The following ICA1L variants were observed in gnomAD, a reference collection of about 807,000 sequenced individuals.
The protein encoded by ICA1L is islet cell autoantigen 1 like.
ICA1L carries 50 observed loss-of-function variants against 61.3 expected under a neutral mutation model. The observed-to-expected ratio is 0.82, with a 90% confidence interval of 0.65 to 1.03. The LOEUF (loss-of-function observed/expected upper bound fraction) is 1.03, where lower values mean the gene tolerates loss of function less well. ICA1L is among the 50% of genes least tolerant of loss of function. The probability of loss-of-function intolerance (pLI) is 0.00; values close to 1 mark genes in which losing one functional copy is unlikely to be tolerated. For missense variants in ICA1L, 508 were observed against 556.7 expected (o/e 0.91, Z 0.88); for synonymous variants, 161 against 191.3 (o/e 0.84, Z 1.31).
Position 202,773,786 on chromosome 2 carries a change from GGTAAT to G in ICA1L, c.*5742_*5746del, listed in dbSNP as rs1032120562. On this transcript the variant is annotated 3_prime_UTR_variant, in exon 13 of 13. Transcript: ENST00000358299. ...GGTGGAAGAATACATACACCGGTAT[GGTAAT>G]AGGCAAGAGCAGGCTGTAAAAGCAA... is the stretch of plus-strand genomic sequence containing the variant. 1.1e-5 allele frequency: 15 copies of G among 1,387,784 alleles called. No individual in the cohort carries two copies. In the Admixed American group the frequency reaches 2.5e-4, roughly 23 times the overall value. The allele number at this position is 1,387,784 out of a possible 1,614,324, so 86.0% of individuals were successfully genotyped here.
chr2:202,811,679 AG>A, intron 9 of ICA1L, 66 bp downstream of exon 9: 4 of 979,586 alleles, frequency 4.1e-6, no homozygotes, highest in South Asian at 1.5e-5. Flanking sequence ...AAAAAAAAAA[AG>A]GCTGTGATAA....
intron 1 of ICA1L, among the ~76,000 whole-genome samples, chr2:202,839,748 T>C (rs938248131): frequency 2.0e-5 from 3 of 152,104 alleles, no homozygotes; most frequent in Admixed American, 6.5e-5. Flanking sequence ...TTTCTGGTTG[T>C]TTTACAGCTC....
chr2:202,794,803 GA>G (rs1234502801), intron 10 of ICA1L, among the ~76,000 whole-genome samples: 3 of 150,776 alleles, frequency 2.0e-5, no homozygotes, highest in Non-Finnish European at 3.0e-5. Context: ...AAACCTGTAT[GA>G]AAAAAAAAGT....
At chr2:202,813,258 CAA>C (rs34755589) in intron 8 of ICA1L, among the ~76,000 whole-genome samples, 10 of 120,262 alleles carry the variant, frequency 8.3e-5, no homozygotes, top group Admixed American at 8.2e-5. Flanking sequence ...GAGACTCTGT[CAA>C]AAAAAAAAAA....
chr2:202,857,913 C>CA (rs1276039812), intron 1 of ICA1L, among the ~76,000 whole-genome samples: 2 of 152,156 alleles, frequency 1.3e-5, no homozygotes, highest in East Asian at 3.8e-4. Flanking sequence ...ATCAATACCA[C>CA]AGTGAGATAC....
rs773177627 is a variant in ICA1L, at chr2:202,819,722, C to T, written c.537G>A (p.Lys179=). ...ATACTTTTCTAAACTTTTCCATTTG[C>T]TTTAAGGTGTCTGGGTCCAGCTCTT... The part of the protein sequence containing the change: ...VSQELDPDTL[K]QMEKFRKVQM... The change falls in exon 5 of 13, where the codon AAG becomes AAA. Residue 179 remains lysine, a synonymous_variant. Transcript: ENST00000358299. The T allele has an allele frequency of 1.2e-6, 2 of 1,613,896 alleles. No homozygotes were observed. The highest frequency in any genetic ancestry group is 1.3e-5 in the African/African-American group (1 of 74,926).
chr2:202,844,670 C>T (rs1173961527), intron 1 of ICA1L: 1 of 152,182 alleles, frequency 6.6e-6, no homozygotes, highest in African/African-American at 2.4e-5. Context: ...CACTCCTCCT[C>T]TAGAAAGAAA....
intron 1 of ICA1L, among the ~76,000 whole-genome samples, chr2:202,850,820 C>G (rs1315261073): frequency 6.6e-6 from 1 of 151,944 alleles, no homozygotes; most frequent in Non-Finnish European, 1.5e-5. Flanking sequence ...AGAAGAGCAA[C>G]CCCAAGACAT....
intron 1 of ICA1L, among the ~76,000 whole-genome samples, chr2:202,850,409 G>A (rs1231083658): frequency 6.6e-6 from 1 of 152,170 alleles, no homozygotes; most frequent in African/African-American, 2.4e-5. Context: ...TACAGGAACT[G>A]CTAACTAGAA....
chr2:202,825,127 T>A (rs929383138), intron 3 of ICA1L, among the ~76,000 whole-genome samples: 1 of 152,056 alleles, frequency 6.6e-6, no homozygotes, highest in Non-Finnish European at 1.5e-5. Flanking sequence ...CAAGGGCAAG[T>A]GGGAGTCAAG....
chr2:202,803,643 G>A (rs1412037247), intron 9 of ICA1L, among the ~76,000 whole-genome samples: 4 of 151,820 alleles, frequency 2.6e-5, no homozygotes, highest in African/African-American at 4.8e-5. Context: ...TCAACTGATC[G>A]TTCCTCCTCA....
chr2:202,862,424 C>T (rs983727223), intron 1 of ICA1L, among the ~76,000 whole-genome samples: 1 of 151,824 alleles, frequency 6.6e-6, no homozygotes, highest in African/African-American at 2.4e-5. Flanking sequence ...TGCCACCGTG[C>T]TCCAGGCTGG....
chr2:202,785,849 T>C, intron 12 of ICA1L, 69 bp downstream of exon 12: 1 of 889,566 alleles, frequency 1.1e-6, no homozygotes, highest in Non-Finnish European at 1.8e-6. Flanking sequence ...AAGTGATCCT[T>C]TTCTAAATTT....
intron 1 of ICA1L, among the ~76,000 whole-genome samples, chr2:202,859,738 T>C (rs1285468673): frequency 6.6e-6 from 1 of 152,204 alleles, no homozygotes; most frequent in Non-Finnish European, 1.5e-5. Flanking sequence ...AAAAGGTACT[T>C]TTCTTAGAGT....
At chr2:202,869,152 G>T (rs1269919545) in intron 1 of ICA1L, among the ~76,000 whole-genome samples, 1 of 152,084 alleles carries the variant, frequency 6.6e-6, no homozygotes. Flanking sequence ...GAGGTCAGGA[G>T]ATCGAGACCA....
intron 1 of ICA1L, among the ~76,000 whole-genome samples, chr2:202,865,871 C>T (rs1687496883): frequency 6.6e-6 from 1 of 152,118 alleles, no homozygotes; most frequent in Admixed American, 6.6e-5. Flanking sequence ...AAGTGATTCC[C>T]CTCGCCTAGA....
intron 12 of ICA1L, among the ~76,000 whole-genome samples, chr2:202,783,373 A>G (rs987601749): frequency 5.3e-5 from 8 of 152,220 alleles, no homozygotes; most frequent in African/African-American, 1.9e-4. Flanking sequence ...CCAAGTGATC[A>G]GGCTTAACAT....
chr2:202,800,945 A>C (rs1693072194), intron 9 of ICA1L, among the ~76,000 whole-genome samples: 1 of 152,246 alleles, frequency 6.6e-6, no homozygotes, highest in Non-Finnish European at 1.5e-5. Context: ...CATAATATAA[A>C]AATGTTAGAA....
intron 1 of ICA1L, among the ~76,000 whole-genome samples, chr2:202,865,243 C>T (rs1470596069): frequency 1.3e-5 from 2 of 151,312 alleles, no homozygotes; most frequent in Non-Finnish European, 2.9e-5. Context: ...CCGAGGCGGG[C>T]GGGTCACTTG....
Sources: allele counts gnomAD v4.1 joint callset (sites outside exome capture counted in the v4.1 genomes callset), GRCh38; gene constraint gnomAD v4.1.1; transcripts MANE v1.5; gene names NCBI Gene and HGNC (gene_info 2026-07-23, HGNC 2026-07-21).